The following LMX1A variants were observed in gnomAD, a reference collection of about 807,000 sequenced individuals.
The protein encoded by LMX1A is LIM homeobox transcription factor 1 alpha, also known as LIM homeobox transcription factor 1-alpha.
A neutral mutation model predicts 49.1 loss-of-function variants in LMX1A; 15 were observed. The ratio of observed to expected loss-of-function variants is 0.31; its 90% CI spans 0.20 to 0.47. LMX1A has a LOEUF of 0.47. LMX1A is among the 20% of genes least tolerant of loss of function. The probability of loss-of-function intolerance (pLI) is 1.00; values close to 1 mark genes in which losing one functional copy is unlikely to be tolerated. For synonymous variants in LMX1A, 167 were observed against 185.7 expected (o/e 0.90, Z 0.82); for missense variants, 372 against 475.8 (o/e 0.78, Z 2.03).
intron 3 of LMX1A, among the ~76,000 whole-genome samples, chr1:165,289,861 G>A (rs886795905): frequency 6.6e-6 from 1 of 152,226 alleles, no homozygotes; most frequent in African/African-American, 2.4e-5. Flanking sequence ...GCTCTCAGCA[G>A]TCATACTGAG....
At chr1:165,345,748 G>A (rs74670312) in intron 3 of LMX1A, among the ~76,000 whole-genome samples, 5,534 of 152,260 alleles carry the variant, frequency 0.036, 140 homozygotes, top group Non-Finnish European at 0.055. Context: ...GGCTAATTAG[G>A]CCAGGTGCAG....
At chr1:165,235,127 G>A (rs1460854206) in intron 4 of LMX1A, among the ~76,000 whole-genome samples, 3 of 150,022 alleles carry the variant, frequency 2.0e-5, no homozygotes, top group African/African-American at 5.0e-5. Context: ...TCTCAAGGTT[G>A]GGGCATGAAG....
chr1:165,311,883 T>C (rs890743298), intron 3 of LMX1A, among the ~76,000 whole-genome samples: 2 of 152,128 alleles, frequency 1.3e-5, no homozygotes, highest in Non-Finnish European at 2.9e-5. Flanking sequence ...GGCTGAGAGC[T>C]CCTCAAAAGC....
intron 4 of LMX1A, among the ~76,000 whole-genome samples, chr1:165,243,412 A>G (rs1652732718): frequency 6.6e-6 from 1 of 152,224 alleles, no homozygotes; most frequent in Non-Finnish European, 1.5e-5. Flanking sequence ...GGCTACATCA[A>G]CAGAACATAA....
Position 165,206,989 on chromosome 1 carries a change from TC to T in LMX1A, c.818-956del, listed in dbSNP as rs75535784. ...CAGGGTTCATGTGAGGATAAGAGGC[TC>T]TGTTGAGGGGCCAGAGAACTAGGAT... is the stretch of plus-strand genomic sequence containing the variant. On this transcript the variant is annotated intron_variant, in intron 7 of 8. Coordinates refer to ENST00000342310, the MANE Select transcript of LMX1A (RefSeq NM_177398.4). Among the ~76,000 whole-genome samples the T allele has an allele frequency of 6.1e-3, 925 of 152,254 alleles. 49 individuals carry two copies. The East Asian group carries it at 0.13, about 21-fold the overall frequency.
Position 165,355,730 on chromosome 1 carries a change from G to T in LMX1A, c.-22-149C>A. ...TAGGGTCCAGCCAAGAGAATGTAGG[G>T]TGGGAGGAGAGATCAGTCACAGCGA... On this transcript the variant is annotated intron_variant, in intron 1 of 8. Transcript: ENST00000342310. The surrounding 1 kb of genome is among the most constrained non-coding windows in gnomAD (Gnocchi z 4.7). 1 of 627,238 alleles carries T rather than the reference G, an allele frequency of 1.6e-6. No homozygotes were observed. The highest frequency in any genetic ancestry group is 1.9e-5 in the South Asian group (1 of 51,816). The allele number at this position is 627,238 out of a possible 1,614,324, so 38.9% of individuals were successfully genotyped here.
chr1:165,274,068 G>A (rs989175167), intron 3 of LMX1A, among the ~76,000 whole-genome samples: 2 of 152,210 alleles, frequency 1.3e-5, no homozygotes, highest in African/African-American at 4.8e-5. Context: ...TGGGTATGCA[G>A]AGGTTAAGTG....
At chr1:165,287,149 A>T (rs1323445529) in intron 3 of LMX1A, among the ~76,000 whole-genome samples, 1 of 152,098 alleles carries the variant, frequency 6.6e-6, no homozygotes, top group Non-Finnish European at 1.5e-5. Context: ...CTTCTACCCC[A>T]TTGGCTAGCC....
At position 165,296,642 on chromosome 1, in the gene LMX1A, C is replaced by A. The variant is rs1471354421; in HGVS notation, c.264-47002G>T. Among the ~76,000 whole-genome samples the A allele has an allele frequency of 2.0e-5, 3 of 152,222 alleles. No homozygotes were observed. In the East Asian group the frequency reaches 5.8e-4, roughly 29 times the overall value. Reference sequence around the variant, plus strand: ...GTGGTATAAACGGCAGATGTCTGGGCCCCACCCAAGGTTCCTATATCAGAC... The same window carrying A: ...GTGGTATAAACGGCAGATGTCTGGGACCCACCCAAGGTTCCTATATCAGAC... On this transcript the variant is annotated intron_variant, in intron 3 of 8. Transcript: ENST00000342310.
intron 4 of LMX1A, among the ~76,000 whole-genome samples, chr1:165,219,688 A>G (rs911324673): frequency 6.6e-6 from 1 of 152,240 alleles, no homozygotes; most frequent in Non-Finnish European, 1.5e-5. Context: ...TAGTTCTTCA[A>G]GGGAGTTTCT....
At chr1:165,228,191 T>C (rs1018702883) in intron 4 of LMX1A, among the ~76,000 whole-genome samples, 4 of 151,226 alleles carry the variant, frequency 2.6e-5, no homozygotes, top group South Asian at 2.1e-4. Context: ...TCAGTAGTGA[T>C]GGATGTTATT....
intron 3 of LMX1A, among the ~76,000 whole-genome samples, chr1:165,283,872 C>T (rs1654226178): frequency 6.6e-6 from 1 of 152,146 alleles, no homozygotes; most frequent in Non-Finnish European, 1.5e-5. Context: ...CCACAATATG[C>T]CATGTATCAC....
At chr1:165,330,787 C>T (rs969223892) in intron 3 of LMX1A, among the ~76,000 whole-genome samples, 1 of 152,066 alleles carries the variant, frequency 6.6e-6, no homozygotes, top group Non-Finnish European at 1.5e-5. Flanking sequence ...AACACAGCAG[C>T]TAGAAAGTGA....
intron 3 of LMX1A, among the ~76,000 whole-genome samples, chr1:165,275,447 A>G (rs1312114892): frequency 6.6e-6 from 1 of 152,242 alleles, no homozygotes; most frequent in African/African-American, 2.4e-5. Context: ...ACCAAAGGCT[A>G]TCACGCTAAA....
chr1:165,314,195 G>A (rs751760830), intron 3 of LMX1A, among the ~76,000 whole-genome samples: 6 of 152,212 alleles, frequency 3.9e-5, no homozygotes, highest in Admixed American at 3.3e-4. Context: ...AGCGGTTGGG[G>A]GAGTGACAGC....
chr1:165,354,138 CTATT>C (rs1347963660), intron 2 of LMX1A, among the ~76,000 whole-genome samples: 1 of 152,154 alleles, frequency 6.6e-6, no homozygotes, highest in Non-Finnish European at 1.5e-5. Flanking sequence ...CTTTTCACAG[CTATT>C]TAAAGAAGGC....
intron 3 of LMX1A, among the ~76,000 whole-genome samples, chr1:165,319,703 T>C (rs955813593): frequency 6.6e-6 from 1 of 152,132 alleles, no homozygotes; most frequent in Admixed American, 6.5e-5. Flanking sequence ...ATCATATAAA[T>C]AGGCAAAAGG....
chr1:165,278,885 G>A (rs1167256823), intron 3 of LMX1A, among the ~76,000 whole-genome samples: 1 of 152,168 alleles, frequency 6.6e-6, no homozygotes, highest in Non-Finnish European at 1.5e-5. Flanking sequence ...CTGAGAGAAG[G>A]TACAGGGCAG....
intron 3 of LMX1A, 121 bp from the exon 4 acceptor site, chr1:165,249,761 A>G (rs1165862253): frequency 1.4e-6 from 1 of 689,806 alleles, no homozygotes; most frequent in Non-Finnish European, 2.5e-6. Context: ...TTAGAATGGA[A>G]TGTACTTTAA....
Sources: allele counts gnomAD v4.1 joint callset (sites outside exome capture counted in the v4.1 genomes callset), GRCh38; gene constraint gnomAD v4.1.1; non-coding constraint Gnocchi (gnomAD v3.1); transcripts MANE v1.5; gene names NCBI Gene and HGNC (gene_info 2026-07-23, HGNC 2026-07-21).